Variants in KIRREL3 observed in about 807,000 individuals in gnomAD.
KIRREL3 encodes kirre like nephrin family adhesion molecule 3, also known as kin of IRRE-like protein 3.
In KIRREL3, 36 loss-of-function variants were observed where a neutral mutation model predicts 89.7. That is an observed-to-expected ratio of 0.40 (90% confidence interval 0.31 to 0.53). The LOEUF (loss-of-function observed/expected upper bound fraction) is 0.53. Ranked by LOEUF, KIRREL3 falls within the 20% of genes least tolerant of loss-of-function variation. KIRREL3 has a pLI of 0.49. For missense variants in KIRREL3, 864 were observed against 1,056.6 expected, an observed-to-expected ratio of 0.82 and a Z score of 2.53; for synonymous variants, 445 against 441.4, an observed-to-expected ratio of 1.01 and a Z score of -0.10.
chr11:126,493,451 C>A (rs34935237), intron 4 of KIRREL3, among the ~76,000 whole-genome samples: 2 of 150,532 alleles, frequency 1.3e-5, no homozygotes, highest in African/African-American at 2.5e-5. Flanking sequence ...GTCAGGAGAT[C>A]GAGACCACCC....
Position 126,757,302 on chromosome 11 carries a change from A to T in KIRREL3, c.56-194390T>A, listed in dbSNP as rs150881947. ...ACAAAGGGAATTGGAAAAAGAAAAT[A>T]AAAAAAAAAAGAAAAGAGAAGAAAA... On this transcript the variant is annotated intron_variant, in intron 1 of 16. Transcript: ENST00000525144. Among the ~76,000 whole-genome samples, 636 of 140,004 alleles carry T rather than the reference A, an allele frequency of 4.5e-3. 3 individuals carry two copies. The highest frequency in any genetic ancestry group is 0.015 in the African/African-American group (606 of 39,592). The allele number at this position is 140,004 out of a possible 152,430, so 91.8% of individuals were successfully genotyped here.
At chr11:126,665,997 G>A (rs1196345295) in intron 1 of KIRREL3, among the ~76,000 whole-genome samples, 1 of 152,182 alleles carries the variant, frequency 6.6e-6, no homozygotes, top group Non-Finnish European at 1.5e-5. Context: ...AGTCTAAAGC[G>A]TTGTTGCTAT....
Position 126,551,974 on chromosome 11 carries a change from G to T in KIRREL3, c.133+10861C>A, listed in dbSNP as rs1939301966. ...AGGCTTTCTTTAGATTTGAAGAAAA[G>T]ATTCCAAAACCAGGAGTGGTCCCAG... On this transcript the variant is annotated intron_variant, in intron 2 of 16. Coordinates refer to ENST00000525144, the MANE Select transcript of KIRREL3 (RefSeq NM_032531.4). The surrounding 1 kb of genome is among the most constrained non-coding windows in gnomAD (Gnocchi z 4.9). 6.6e-6 allele frequency among the ~76,000 whole-genome samples: 1 copy of T among 152,208 alleles called. No homozygotes were observed. The highest frequency in any genetic ancestry group is 2.4e-5 in the African/African-American group (1 of 41,450).
At chr11:126,920,837 C>G (rs961191439) in intron 1 of KIRREL3, among the ~76,000 whole-genome samples, 3 of 152,192 alleles carry the variant, frequency 2.0e-5, no homozygotes, top group Non-Finnish European at 4.4e-5. Flanking sequence ...AATTGGCCTT[C>G]TCTGCCTGAT....
intron 16 of KIRREL3, 97 bp from the exon 17 acceptor site, chr11:126,425,120 G>T: frequency 8.3e-7 from 1 of 1,205,178 alleles, no homozygotes; most frequent in Non-Finnish European, 1.1e-6. Context: ...TGCGGGGAGG[G>T]AAGAGGGAAA....
In KIRREL3 at chr11:126,768,133, TATCC is replaced by T. The variant is rs150912161; in HGVS notation, c.56-205225_56-205222del. 3.9e-3 allele frequency among the ~76,000 whole-genome samples: 491 copies of T among 127,478 alleles called. 7 individuals are homozygous for T. The highest frequency in any genetic ancestry group is 0.012 in the East Asian group (46 of 3,940). The allele number at this position is 127,478 out of a possible 152,430, so 83.6% of individuals were successfully genotyped here. On this transcript the variant is annotated intron_variant, in intron 1 of 16. Transcript: ENST00000525144. The surrounding 1 kb of genome is among the most constrained non-coding windows in gnomAD (Gnocchi z 4.5). ...CTGTCCATCCATCTGTCTATCCATCTATCCATCCATCCATCCATCCATCCATCCA... is the reference window on the plus strand; with the variant it reads ...CTGTCCATCCATCTGTCTATCCATCTATCCATCCATCCATCCATCCATCCA...
chr11:126,615,647 A>G lies in KIRREL3; in HGVS notation c.56-52735T>C, dbSNP rs1281942605. Among the ~76,000 whole-genome samples the G allele has an allele frequency of 6.6e-6, 1 of 152,154 alleles. No homozygotes were observed. Among genetic ancestry groups the G allele is most frequent in the East Asian group, 1.9e-4 (1 of 5,180 alleles). On this transcript the variant is annotated intron_variant, in intron 1 of 16. Transcript: ENST00000525144. The surrounding 1 kb of genome is among the most constrained non-coding windows in gnomAD (Gnocchi z 5.4). The stretch of plus-strand genomic sequence containing the variant: ...ATGGATTGAGTTAGGACAGTCCCAG[A>G]TGATGATGGAGCCAGGAGCTGAGTA...
chr11:126,743,308 T>A (rs1182758763), intron 1 of KIRREL3, among the ~76,000 whole-genome samples: 1 of 152,226 alleles, frequency 6.6e-6, no homozygotes, highest in Non-Finnish European at 1.5e-5. Flanking sequence ...CATGTTAGTC[T>A]ATCTACAGGT....
chr11:126,806,339 G>A (rs1213745688), intron 1 of KIRREL3, among the ~76,000 whole-genome samples: 1 of 152,142 alleles, frequency 6.6e-6, no homozygotes, highest in Non-Finnish European at 1.5e-5. Context: ...GTCCCTAATA[G>A]CCTTGGGGCC....
At chr11:126,552,269 G>T (rs1939323905) in intron 2 of KIRREL3, among the ~76,000 whole-genome samples, 1 of 152,198 alleles carries the variant, frequency 6.6e-6, no homozygotes, top group South Asian at 2.1e-4. Context: ...TCCAGCCAGT[G>T]CCTCCCCTCA....
At position 126,585,220 on chromosome 11, in the gene KIRREL3, C is replaced by CTTTTT. The variant is rs3042225; in HGVS notation, c.56-22313_56-22309dup. On this transcript the variant is annotated intron_variant, in intron 1 of 16. Transcript: ENST00000525144. ...AGGCGTGAGCCACCGCGCCCGGCCTCTTTTTTTTTTTTTTTTTTTTTTTTT... is the reference window on the plus strand; with the variant it reads ...AGGCGTGAGCCACCGCGCCCGGCCTCTTTTTTTTTTTTTTTTTTTTTTTTTTTTTT... Among the ~76,000 whole-genome samples the CTTTTT allele has an allele frequency of 2.3e-4, 19 of 81,916 alleles. 1 individual carries two copies. The highest frequency in any genetic ancestry group is 9.6e-4 in the East Asian group (3 of 3,110). The allele number at this position is 81,916 out of a possible 152,430, so 53.7% of individuals were successfully genotyped here.
chr11:126,430,975 C>T lies in KIRREL3; in HGVS notation c.1696+444G>A. 9.3e-7 allele frequency: 1 copy of T among 1,078,890 alleles called. No individual in the cohort carries two copies. Among genetic ancestry groups the T allele is most frequent in the Non-Finnish European group, 1.1e-6 (1 of 890,288 alleles). The allele number at this position is 1,078,890 out of a possible 1,614,324, so 66.8% of individuals were successfully genotyped here. ...TCAAAGCAATTCCTTTATTGCTTCCCCACCCACTCCCCCACAGCTGTGTGA... is the reference window on the plus strand; with the variant it reads ...TCAAAGCAATTCCTTTATTGCTTCCTCACCCACTCCCCCACAGCTGTGTGA... On this transcript the variant is annotated intron_variant, in intron 14 of 16. Coordinates refer to ENST00000525144, the MANE Select transcript of KIRREL3 (RefSeq NM_032531.4). The surrounding 1 kb of genome is among the most constrained non-coding windows in gnomAD (Gnocchi z 6.6).
chr11:126,937,227 C>T (rs954936798), intron 1 of KIRREL3: 2 of 152,230 alleles, frequency 1.3e-5, no homozygotes, highest in Non-Finnish European at 2.9e-5. Context: ...ACTGAAACAA[C>T]CACTGCCTTC....
rs34642056 is a variant in KIRREL3, at chr11:126,704,573, C to T, written c.56-141661G>A. On this transcript the variant is annotated intron_variant, in intron 1 of 16. Coordinates refer to ENST00000525144, the MANE Select transcript of KIRREL3 (RefSeq NM_032531.4). This position sits in a 1 kb window ranked among gnomAD's most constrained non-coding sequence, Gnocchi z 4.2. ...AGGCTGCCCTATTTGTGTTGTGTGT[C>T]CCTGTACACGTGCGTATTTGGCTCA... 0.038 allele frequency among the ~76,000 whole-genome samples: 5,725 copies of T among 152,258 alleles called. 128 individuals are homozygous for T. Among genetic ancestry groups the T allele is most frequent in the Middle Eastern group, 0.1 (30 of 294 alleles).
intron 5 of KIRREL3, among the ~76,000 whole-genome samples, chr11:126,467,610 T>C (rs1205507186): frequency 6.6e-6 from 1 of 151,194 alleles, no homozygotes; most frequent in Non-Finnish European, 1.5e-5. Context: ...GCTACTCACC[T>C]TCCCCACCTG....
chr11:126,506,101 C>T (rs1307093732), intron 4 of KIRREL3, among the ~76,000 whole-genome samples: 2 of 152,150 alleles, frequency 1.3e-5, no homozygotes, highest in Non-Finnish European at 2.9e-5. Context: ...CTTCACAAAT[C>T]ACTAAAACTT....
chr11:126,954,903 A>G lies in KIRREL3; in HGVS notation c.55+45552T>C, dbSNP rs373730173. 1.2e-4 allele frequency among the ~76,000 whole-genome samples: 18 copies of G among 152,232 alleles called. No individual in the cohort carries two copies. The East Asian group carries it at 2.7e-3, about 23-fold the overall frequency. The stretch of plus-strand genomic sequence containing the variant: ...AAAGCAGAAAGAAGACGCACCTCAA[A>G]CATACTGTGTGGGCAACAACTCTGT... On this transcript the variant is annotated intron_variant, in intron 1 of 16. Coordinates refer to ENST00000525144, the MANE Select transcript of KIRREL3 (RefSeq NM_032531.4). This position sits in a 1 kb window ranked among gnomAD's most constrained non-coding sequence, Gnocchi z 4.1.
rs897942711 is a variant in KIRREL3, at chr11:126,537,636, A to T, written c.134-10949T>A. Reference sequence around the variant, plus strand: ...GAACACAGGGTCAGTCAGCCCTAGGAAGGAACTCTGGCCCTGTACCTAGCA... The same window carrying T: ...GAACACAGGGTCAGTCAGCCCTAGGTAGGAACTCTGGCCCTGTACCTAGCA... On this transcript the variant is annotated intron_variant, in intron 2 of 16. Coordinates refer to ENST00000525144, the MANE Select transcript of KIRREL3 (RefSeq NM_032531.4). The surrounding 1 kb of genome is among the most constrained non-coding windows in gnomAD (Gnocchi z 4.3). 2.4e-4 allele frequency among the ~76,000 whole-genome samples: 36 copies of T among 152,272 alleles called. No homozygotes were observed. The highest frequency in any genetic ancestry group is 8.7e-4 in the African/African-American group (36 of 41,538).
rs538321440 is a variant in KIRREL3 at position 126,987,301 on chromosome 11, T to C, written c.55+13154A>G. ...TCTATAGTACGCATAAAGTCAACAA[T>C]GAACAAGACTAAGACAATTTAACTA... On this transcript the variant is annotated intron_variant, in intron 1 of 16. Coordinates refer to ENST00000525144, the MANE Select transcript of KIRREL3 (RefSeq NM_032531.4). This position sits in a 1 kb window ranked among gnomAD's most constrained non-coding sequence, Gnocchi z 4.6. Among the ~76,000 whole-genome samples the C allele has an allele frequency of 6.6e-6, 1 of 152,304 alleles. No homozygotes were observed. The highest frequency in any genetic ancestry group is 2.1e-4 in the South Asian group (1 of 4,830).
Sources: gnomAD v4.1 joint callset for allele counts (sites outside exome capture counted in the v4.1 genomes callset) on GRCh38, gnomAD v4.1.1 for gene constraint, Gnocchi (gnomAD v3.1) non-coding constraint, MANE v1.5 for transcripts, NCBI Gene and HGNC (gene_info 2026-07-23, HGNC 2026-07-21) for gene names.